CSMD2: variants seen among roughly 807,000 people sequenced by gnomAD.
CSMD2 encodes the protein CUB and Sushi multiple domains 2, also known as CUB and sushi domain-containing protein 2.
In CSMD2, 130 loss-of-function variants were observed where a neutral mutation model predicts 398.5. The ratio of observed to expected loss-of-function variants is 0.33; its 90% CI spans 0.28 to 0.38. The LOEUF (loss-of-function observed/expected upper bound fraction) is 0.38. Ranked by LOEUF, CSMD2 falls within the 10% of genes least tolerant of loss-of-function variation. CSMD2 has a pLI of 1.00. For missense variants in CSMD2, 3,829 were observed against 4,764.9 expected (o/e 0.80, Z 5.78); for synonymous variants, 1,828 against 1,908.5 (o/e 0.96, Z 1.10).
At chr1:33,535,898 A>G (rs1655721700) in intron 62 of CSMD2, among the ~76,000 whole-genome samples, 1 of 152,190 alleles carries the variant, frequency 6.6e-6, no homozygotes, top group African/African-American at 2.4e-5. Context: ...CTAAAATGGT[A>G]ACCCACCCCG....
At chr1:33,830,192 G>A (rs1659357864) in intron 6 of CSMD2, among the ~76,000 whole-genome samples, 1 of 152,212 alleles carries the variant, frequency 6.6e-6, no homozygotes. Context: ...ATCTGAGAAT[G>A]GGCAGACTGC....
chr1:34,137,294 G>GA (rs35252798), intron 1 of CSMD2, among the ~76,000 whole-genome samples: 25 of 150,952 alleles, frequency 1.7e-4, no homozygotes, highest in Middle Eastern at 3.4e-3. Context: ...GTGAGTATAA[G>GA]AAAAAAAAAG....
Position 33,571,683 on chromosome 1 carries a change from G to A in CSMD2, c.7806C>T (p.Gly2602=), listed in dbSNP as rs1189893958. The A allele has an allele frequency of 1.3e-6, 2 of 1,570,788 alleles. No individual in the cohort carries two copies. Among genetic ancestry groups the A allele is most frequent in the Non-Finnish European group, 1.7e-6 (2 of 1,151,018 alleles). The change falls in exon 51 of 71, where the codon GGC becomes GGT. Residue 2602 remains glycine (G), a synonymous_variant. Coordinates refer to ENST00000373381, the MANE Select transcript of CSMD2 (RefSeq NM_001281956.2). ...PDVSSISVEH[G]RWRLIFETQY... is the part of the protein sequence containing the mutation. ...GTGTCTCAAAGATAAGCCTCCATCG[G>A]CCATGCTCCACGCTGATGCTACTGA...
chr1:33,898,870 GA>G lies in CSMD2; in HGVS notation c.920+19223del, dbSNP rs1370734039. ...GCCTGAAGGACACTTGCCCTCATGT[GA>G]AAAATGTCACTTGATGGAGCTTGAC... On this transcript the variant is annotated intron_variant, in intron 5 of 70. Coordinates refer to ENST00000373381, the MANE Select transcript of CSMD2 (RefSeq NM_001281956.2). Among the ~76,000 whole-genome samples, 4 of 152,292 alleles carry G rather than the reference GA, an allele frequency of 2.6e-5. No homozygotes were observed. The East Asian group carries it at 7.7e-4, about 29-fold the overall frequency.
intron 1 of CSMD2, among the ~76,000 whole-genome samples, chr1:34,096,303 CA>C (rs1319270676): frequency 1.3e-5 from 2 of 151,270 alleles, no homozygotes; most frequent in African/African-American, 4.8e-5. Context: ...CAGCCAATAT[CA>C]TACTGAATGG....
chr1:34,006,655 A>G (rs1647066545), intron 3 of CSMD2, among the ~76,000 whole-genome samples: 1 of 152,084 alleles, frequency 6.6e-6, no homozygotes, highest in Non-Finnish European at 1.5e-5. Flanking sequence ...GGTCCTGTTT[A>G]TCTTCATTTT....
At chr1:33,672,327 G>A (rs1196872777) in intron 25 of CSMD2, among the ~76,000 whole-genome samples, 4 of 152,196 alleles carry the variant, frequency 2.6e-5, no homozygotes, top group Non-Finnish European at 2.9e-5. Flanking sequence ...ATTATATTCC[G>A]CACCTGGCTC....
chr1:34,113,426 G>A (rs1179441979), intron 1 of CSMD2, among the ~76,000 whole-genome samples: 1 of 152,224 alleles, frequency 6.6e-6, no homozygotes, highest in African/African-American at 2.4e-5. Flanking sequence ...TCCATAGCAT[G>A]AATAATATGC....
At chr1:34,152,366 A>G (rs914582233) in intron 1 of CSMD2, among the ~76,000 whole-genome samples, 4 of 152,000 alleles carry the variant, frequency 2.6e-5, no homozygotes, top group African/African-American at 9.7e-5. Context: ...GGCTCCAGGC[A>G]CCCTCACCAA....
chr1:34,023,930 A>G (rs2148122744), intron 3 of CSMD2, among the ~76,000 whole-genome samples: 1 of 152,310 alleles, frequency 6.6e-6, no homozygotes, highest in East Asian at 1.9e-4. Context: ...GTTTTTGAAT[A>G]GCATCTCTGT....
rs115959721 is a variant in CSMD2, at chr1:33,702,111, A to C, written c.3577-1438T>G. 2.5e-3 allele frequency among the ~76,000 whole-genome samples: 377 copies of C among 152,330 alleles called. 1 individual carries two copies. Among genetic ancestry groups the C allele is most frequent in the African/African-American group, 8.4e-3 (348 of 41,574 alleles). The stretch of plus-strand genomic sequence containing the variant: ...GTGCATTCAGCAAAATCCAGAGTGG[A>C]AAGTTCCACTGAACAAATGATCTGA... On this transcript the variant is annotated intron_variant, in intron 22 of 70. Transcript: ENST00000373381.
intron 5 of CSMD2, among the ~76,000 whole-genome samples, chr1:33,868,490 C>T (rs956493524): frequency 4.6e-5 from 7 of 152,114 alleles, no homozygotes; most frequent in Non-Finnish European, 1.0e-4. Context: ...GTAATCCCAG[C>T]ACTTTGGGAG....
chr1:34,031,892 T>A (rs72665802), intron 3 of CSMD2, among the ~76,000 whole-genome samples: 6,653 of 149,394 alleles, frequency 0.045, 204 homozygotes, highest in East Asian at 0.15. Context: ...TAACACAAAA[T>A]AACAGTGCAG....
intron 1 of CSMD2, among the ~76,000 whole-genome samples, chr1:34,134,052 CAAAAAAA>C (rs59062675): frequency 7.0e-5 from 6 of 85,226 alleles, no homozygotes; most frequent in Admixed American, 1.2e-4. Context: ...GACTCTGTCT[CAAAAAAA>C]AAAAAAAAAA....
intron 47 of CSMD2, among the ~76,000 whole-genome samples, chr1:33,582,134 T>G (rs1286914864): frequency 6.6e-6 from 1 of 152,046 alleles, no homozygotes; most frequent in Non-Finnish European, 1.5e-5. Flanking sequence ...TCAAAACTGA[T>G]GGGGAGAGAC....
intron 10 of CSMD2, among the ~76,000 whole-genome samples, chr1:33,801,190 T>G (rs1409288091): frequency 6.6e-6 from 1 of 152,112 alleles, no homozygotes; most frequent in Non-Finnish European, 1.5e-5. Context: ...TCCCTCTCCC[T>G]CCCATCCTCA....
intron 3 of CSMD2, among the ~76,000 whole-genome samples, chr1:33,968,862 T>C (rs968177767): frequency 2.6e-5 from 4 of 152,230 alleles, no homozygotes; most frequent in Non-Finnish European, 5.9e-5. Context: ...GTTGGTAATT[T>C]TGATAATTTA....
intron 2 of CSMD2, among the ~76,000 whole-genome samples, chr1:34,063,564 G>T (rs546989232): frequency 6.6e-6 from 1 of 152,336 alleles, no homozygotes; most frequent in East Asian, 1.9e-4. Context: ...AGGTCATGCT[G>T]ATGCAAGAGG....
chr1:34,045,038 T>TACATACAC (rs1219579384), intron 2 of CSMD2, among the ~76,000 whole-genome samples: 47 of 142,716 alleles, frequency 3.3e-4, no homozygotes, highest in African/African-American at 5.9e-4. Flanking sequence ...TCACACACCA[T>TACATACAC]ACACACACAC....
Sources: allele counts gnomAD v4.1 joint callset (sites outside exome capture counted in the v4.1 genomes callset), GRCh38; gene constraint gnomAD v4.1.1; transcripts MANE v1.5; gene names NCBI Gene and HGNC (gene_info 2026-07-23, HGNC 2026-07-21).